Variants in CDK5RAP2 observed in about 807,000 individuals in gnomAD.
CDK5RAP2 encodes the protein CDK5 regulatory subunit associated protein 2.
A neutral mutation model predicts 232.9 loss-of-function variants in CDK5RAP2; 147 were observed. That is an observed-to-expected ratio of 0.63 (90% CI 0.55 to 0.72). CDK5RAP2 has a LOEUF of 0.72. CDK5RAP2 is among the 30% of genes least tolerant of loss of function. CDK5RAP2 has a pLI of 0.00. For missense variants in CDK5RAP2, 2,195 were observed against 2,231.5 expected (o/e 0.98, Z 0.33); for synonymous variants, 833 against 833.7 (o/e 1.00, Z 0.01).
At chr9:120,468,636 A>G (rs1365824385) in intron 17 of CDK5RAP2, among the ~76,000 whole-genome samples, 1 of 152,240 alleles carries the variant, frequency 6.6e-6, no homozygotes, top group Non-Finnish European at 1.5e-5. Context: ...AATACAAAGA[A>G]ATTTAACTGT....
intron 7 of CDK5RAP2, among the ~76,000 whole-genome samples, chr9:120,532,064 G>T (rs1364555151): frequency 6.6e-6 from 1 of 151,732 alleles, no homozygotes; most frequent in East Asian, 1.9e-4. Context: ...GAAAAAGTAG[G>T]CAGGCCTGGT....
chr9:120,452,498 T>C (rs951026404), intron 21 of CDK5RAP2, among the ~76,000 whole-genome samples: 16 of 152,000 alleles, frequency 1.1e-4, no homozygotes, highest in Non-Finnish European at 4.4e-5. Context: ...GAAACAAGAA[T>C]ATCAACAGCC....
chr9:120,552,038 G>C lies in CDK5RAP2; in HGVS notation c.196-1136C>G, dbSNP rs1588636522. On this transcript the variant is annotated intron_variant, in intron 3 of 37. Coordinates refer to ENST00000349780, the MANE Select transcript of CDK5RAP2 (RefSeq NM_018249.6). ...CCATCAAAAAGTGGGCAAAGGATAT[G>C]AACAGACACTTCTCAAAAGAAGACA... 2.0e-5 allele frequency among the ~76,000 whole-genome samples: 3 copies of C among 151,956 alleles called. No homozygotes were observed. In the East Asian group the frequency reaches 5.8e-4, roughly 29 times the overall value.
intron 25 of CDK5RAP2, among the ~76,000 whole-genome samples, chr9:120,426,390 G>A (rs1025219916): frequency 1.3e-5 from 2 of 152,184 alleles, no homozygotes; most frequent in Admixed American, 6.5e-5. Flanking sequence ...ACACTGGTCT[G>A]GTCCGGAAAG....
intron 36 of CDK5RAP2, among the ~76,000 whole-genome samples, chr9:120,390,878 A>T (rs1464312183): frequency 6.6e-6 from 1 of 152,074 alleles, no homozygotes; most frequent in African/African-American, 2.4e-5. Context: ...TTCCATCTGG[A>T]GGTAATGGAG....
At chr9:120,556,938 G>A (rs557801960) in intron 3 of CDK5RAP2, among the ~76,000 whole-genome samples, 29 of 152,134 alleles carry the variant, frequency 1.9e-4, no homozygotes, top group Admixed American at 1.4e-3. Context: ...AACAAAAAAC[G>A]ACTACCCCGC....
At chr9:120,455,478 T>C (rs2036717383) in intron 20 of CDK5RAP2, among the ~76,000 whole-genome samples, 1 of 151,852 alleles carries the variant, frequency 6.6e-6, no homozygotes, top group Non-Finnish European at 1.5e-5. Flanking sequence ...TCATGGTTCA[T>C]GCCTATAATC....
intron 17 of CDK5RAP2, among the ~76,000 whole-genome samples, chr9:120,468,539 A>T (rs566157451): frequency 6.6e-6 from 1 of 152,356 alleles, no homozygotes; most frequent in South Asian, 2.1e-4. Context: ...AAATACTCCT[A>T]CAAGCTTTAG....
At position 120,580,150 on chromosome 9, in the gene CDK5RAP2, G is replaced by T; in HGVS notation, c.-172C>A. On this transcript the variant is annotated 5_prime_UTR_variant, in exon 1 of 38. Transcript: ENST00000349780. ...CACAGACGCCGCCATCTTTCCCGGCGCTTCTTCCTACGGAAACGAGGCGGG... is the reference window on the plus strand; with the variant it reads ...CACAGACGCCGCCATCTTTCCCGGCTCTTCTTCCTACGGAAACGAGGCGGG... 1 of 585,262 alleles carries T rather than the reference G, an allele frequency of 1.7e-6. No individual in the cohort carries two copies. Among genetic ancestry groups the T allele is most frequent in the Non-Finnish European group, 3.1e-6 (1 of 323,346 alleles). The allele number at this position is 585,262 out of a possible 1,614,324, so 36.3% of individuals were successfully genotyped here. A position where few individuals can be genotyped will look rare whatever the true frequency, so the allele number is the denominator to read the frequency against.
At chr9:120,390,527 C>T (rs887534634) in intron 36 of CDK5RAP2, among the ~76,000 whole-genome samples, 16 of 152,148 alleles carry the variant, frequency 1.1e-4, no homozygotes, top group Non-Finnish European at 1.9e-4. Context: ...GAGGGGCAGG[C>T]GAGCCCTGGC....
rs559692604 is a variant in CDK5RAP2 at position 120,489,206 on chromosome 9, C to T, written c.1483-1769G>A. 5.3e-5 allele frequency among the ~76,000 whole-genome samples: 8 copies of T among 152,270 alleles called. No homozygotes were observed. The East Asian group carries it at 1.2e-3, about 22-fold the overall frequency. On this transcript the variant is annotated intron_variant, in intron 13 of 37. Transcript: ENST00000349780. ...TTTCCAATGTTGCTGCTGAGAATTC[C>T]GATGTCATTCCAAGTGTGGGTTCTT...
chr9:120,400,401 T>C (rs1341757033), intron 35 of CDK5RAP2, among the ~76,000 whole-genome samples: 1 of 152,202 alleles, frequency 6.6e-6, no homozygotes, highest in Non-Finnish European at 1.5e-5. Context: ...ACTTAGAGCC[T>C]ATAAAATAAA....
intron 20 of CDK5RAP2, among the ~76,000 whole-genome samples, chr9:120,455,151 C>T (rs1401949917): frequency 6.6e-6 from 1 of 152,108 alleles, no homozygotes; most frequent in Non-Finnish European, 1.5e-5. Context: ...CGTAAACAAA[C>T]TATGAGGGTT....
chr9:120,549,943 T>C (rs183040756), intron 4 of CDK5RAP2, among the ~76,000 whole-genome samples: 2 of 152,314 alleles, frequency 1.3e-5, no homozygotes, highest in African/African-American at 4.8e-5. Context: ...ACAAGTCAAT[T>C]TAAGTTCATC....
rs74940178 is a variant in CDK5RAP2 at position 120,471,929 on chromosome 9, T to C, written c.1728-51A>G. 178 of 1,612,138 alleles carry C rather than the reference T, an allele frequency of 1.1e-4. 1 individual carries two copies. The East Asian group carries it at 3.9e-3, about 35-fold the overall frequency. On this transcript the variant is annotated intron_variant, in intron 15 of 37. Coordinates refer to ENST00000349780, the MANE Select transcript of CDK5RAP2 (RefSeq NM_018249.6). ...TTTAAAACAGACCTATTTGTACTTT[T>C]AGATGCAAAGCCCAGAAAGCCTTCC...
intron 14 of CDK5RAP2, among the ~76,000 whole-genome samples, chr9:120,481,509 T>A (rs1178103175): frequency 6.7e-6 from 1 of 148,940 alleles, no homozygotes; most frequent in Admixed American, 6.6e-5. Flanking sequence ...TTTCTTTTTT[T>A]TTTTTTTCTT....
chr9:120,520,339 G>A (rs930027538), intron 11 of CDK5RAP2, among the ~76,000 whole-genome samples: 1 of 151,946 alleles, frequency 6.6e-6, no homozygotes, highest in Non-Finnish European at 1.5e-5. Context: ...TGGTCATTGT[G>A]AAGATTAAAT....
intron 30 of CDK5RAP2, 147 bp downstream of exon 30, chr9:120,408,980 G>A: frequency 1.3e-6 from 1 of 745,972 alleles, no homozygotes; most frequent in East Asian, 2.7e-5. Flanking sequence ...TCCATATGTT[G>A]TAGGCGCACC....
chr9:120,518,462 G>T lies in CDK5RAP2; in HGVS notation c.1276C>A (p.His426Asn). The change falls in exon 12 of 38, where the codon CAT becomes AAT. Residue 426 changes from histidine (H) to asparagine (N), a missense_variant. By Grantham distance (68) the His-to-Asn change is moderately conservative. Coordinates refer to ENST00000349780, the MANE Select transcript of CDK5RAP2 (RefSeq NM_018249.6). ...ERLEKDLEEA[H>N]REKSKGDCTI... ...CAGTCTCCTTTGCTCTTCTCTCGAT[G>T]GGCTTCCTCCAGGTCCTTCTCCAGT... The T allele has an allele frequency of 6.2e-7, 1 of 1,613,734 alleles. No individual in the cohort carries two copies.
Sources: allele counts gnomAD v4.1 joint callset (sites outside exome capture counted in the v4.1 genomes callset), GRCh38; gene constraint gnomAD v4.1.1; transcripts MANE v1.5; gene names NCBI Gene and HGNC (gene_info 2026-07-23, HGNC 2026-07-21).